DPP6: variants seen among roughly 807,000 people sequenced by gnomAD.
The protein encoded by DPP6 is dipeptidyl peptidase like 6.
In DPP6, 69 loss-of-function variants were observed where a neutral mutation model predicts 122.6. The observed-to-expected ratio is 0.56, with a 90% CI of 0.46 to 0.69. The LOEUF (loss-of-function observed/expected upper bound fraction) is 0.69. Among genes scored for constraint, DPP6 ranks in the 30% least tolerant of loss-of-function variants. The pLI is 0.00. For synonymous variants in DPP6, 418 were observed against 433.1 expected, an observed-to-expected ratio of 0.97 and a Z score of 0.43; for missense variants, 928 against 1,116.9, an observed-to-expected ratio of 0.83 and a Z score of 2.41.
At chr7:154,250,236 G>A (rs1040668896) in intron 1 of DPP6, among the ~76,000 whole-genome samples, 12 of 152,108 alleles carry the variant, frequency 7.9e-5, no homozygotes, top group East Asian at 3.9e-4. Context: ...GCTCCCAGCC[G>A]AATAAAGCCC....
chr7:154,873,822 A>G (rs1377483400), intron 19 of DPP6, among the ~76,000 whole-genome samples: 2 of 113,688 alleles, frequency 1.8e-5, no homozygotes, highest in East Asian at 4.0e-4. Flanking sequence ...ACATGCACAC[A>G]CGCATACATA....
chr7:153,955,642 T>G (rs1802423585), intron 1 of DPP6, among the ~76,000 whole-genome samples: 1 of 152,268 alleles, frequency 6.6e-6, no homozygotes, highest in South Asian at 2.1e-4. Flanking sequence ...TTTTGCCATG[T>G]TGGTCAGGCT....
chr7:154,327,817 T>C (rs1808581163), intron 1 of DPP6, among the ~76,000 whole-genome samples: 1 of 152,172 alleles, frequency 6.6e-6, no homozygotes, highest in African/African-American at 2.4e-5. Context: ...GTGATTTGGG[T>C]TTCCAGAATA....
the DPP6 span, among the ~76,000 whole-genome samples, chr7:153,804,973 T>A: frequency 6.6e-6 from 1 of 152,178 alleles, no homozygotes. Flanking sequence ...AAAAATGATC[T>A]TGACTCTATT....
At chr7:154,531,844 A>G (rs961903173) in intron 3 of DPP6, among the ~76,000 whole-genome samples, 1 of 152,118 alleles carries the variant, frequency 6.6e-6, no homozygotes, top group African/African-American at 2.4e-5. Flanking sequence ...CTGCTTCTGG[A>G]CTTTGAAAAT....
At chr7:154,466,975 C>T (rs1334798685) in intron 2 of DPP6, among the ~76,000 whole-genome samples, 2 of 152,206 alleles carry the variant, frequency 1.3e-5, no homozygotes, top group African/African-American at 4.8e-5. Context: ...CCACCCAAAG[C>T]ACAATTCATC....
At chr7:154,427,381 C>G (rs144085100) in intron 1 of DPP6, among the ~76,000 whole-genome samples, 28 of 152,274 alleles carry the variant, frequency 1.8e-4, no homozygotes, top group African/African-American at 6.5e-4. Flanking sequence ...CATGTATTCT[C>G]TTTATTCTGT....
rs1053945266 is a variant in DPP6, at chr7:154,486,265, C to G, written c.457+11228C>G. ...TCTTCCGCTTCAGCCTCCTGAGTAG[C>G]TGGGACTACAGGTGTGTGCCACCAC... On this transcript the variant is annotated intron_variant, in intron 3 of 25. Transcript: ENST00000377770. This position sits in a 1 kb window ranked among gnomAD's most constrained non-coding sequence, Gnocchi z 4.5. 9.9e-5 allele frequency among the ~76,000 whole-genome samples: 15 copies of G among 152,140 alleles called. No individual in the cohort carries two copies. Among genetic ancestry groups the G allele is most frequent in the African/African-American group, 3.6e-4 (15 of 41,418 alleles).
rs919651801 is a variant in DPP6 at position 154,462,218 on chromosome 7, A to C, written c.359-12721A>C. Among the ~76,000 whole-genome samples, 3 of 152,114 alleles carry C rather than the reference A, an allele frequency of 2.0e-5. No homozygotes were observed. The South Asian group carries it at 6.2e-4, about 31-fold the overall frequency. On this transcript the variant is annotated intron_variant, in intron 2 of 25. Coordinates refer to ENST00000377770, the MANE Select transcript of DPP6 (RefSeq NM_130797.4). Reference sequence around the variant, plus strand: ...GTTCTCTATTCTGTTCCATTGCTCTATGTGTCTGTTTTTATGCCAGTACCA... The same window carrying C: ...GTTCTCTATTCTGTTCCATTGCTCTCTGTGTCTGTTTTTATGCCAGTACCA...
intron 1 of DPP6, among the ~76,000 whole-genome samples, chr7:154,213,814 G>A (rs1338186254): frequency 5.3e-5 from 8 of 152,090 alleles, no homozygotes; most frequent in African/African-American, 7.2e-5. Flanking sequence ...AAATGCATTC[G>A]GTAGATGATA....
chr7:154,671,542 C>T (rs1838555252), intron 7 of DPP6, among the ~76,000 whole-genome samples: 1 of 152,142 alleles, frequency 6.6e-6, no homozygotes, highest in Non-Finnish European at 1.5e-5. Flanking sequence ...TAAACCGGGT[C>T]CCGTAGTAGA....
intron 1 of DPP6, among the ~76,000 whole-genome samples, chr7:154,116,135 T>C (rs2150595279): frequency 6.6e-6 from 1 of 151,766 alleles, no homozygotes; most frequent in African/African-American, 2.4e-5. Context: ...ACATACACAC[T>C]TTGGTTAGTT....
chr7:154,651,082 C>G (rs2130992133), intron 6 of DPP6, among the ~76,000 whole-genome samples: 2 of 152,224 alleles, frequency 1.3e-5, no homozygotes, highest in East Asian at 3.9e-4. Flanking sequence ...GCACTCACGA[C>G]TTCATAGGTA....
At chr7:154,674,458 A>G (rs959192031) in intron 7 of DPP6, among the ~76,000 whole-genome samples, 1 of 152,166 alleles carries the variant, frequency 6.6e-6, no homozygotes, top group Admixed American at 6.5e-5. Flanking sequence ...GAGGGAGGGC[A>G]TGTGAATTTG....
intron 5 of DPP6, among the ~76,000 whole-genome samples, chr7:154,595,032 C>T (rs1413656825): frequency 2.0e-5 from 3 of 150,904 alleles, no homozygotes; most frequent in Non-Finnish European, 4.4e-5. Context: ...TTGGCATTGA[C>T]GTTAAGATTT....
At position 154,060,813 on chromosome 7, in the gene DPP6, CAT is replaced by C. The variant is rs1417221692; in HGVS notation, c.243+7751_243+7752del. Among the ~76,000 whole-genome samples, 28 of 133,078 alleles carry C rather than the reference CAT, an allele frequency of 2.1e-4. 2 individuals carry two copies. Among genetic ancestry groups the C allele is most frequent in the South Asian group, 2.5e-4 (1 of 4,026 alleles). 87.3% of individuals were successfully genotyped at this position (133,078 alleles called of 152,430 possible). ...CATCACAGGAGGGGGACGCACCCCC[CAT>C]GAGGCAGGGACTGAGAGCCAGCCCC... On this transcript the variant is annotated intron_variant, in intron 1 of 25. Coordinates refer to ENST00000377770, the MANE Select transcript of DPP6 (RefSeq NM_130797.4).
intron 1 of DPP6, among the ~76,000 whole-genome samples, chr7:154,153,484 G>A (rs1342189202): frequency 3.3e-5 from 5 of 152,164 alleles, no homozygotes; most frequent in African/African-American, 1.2e-4. Context: ...ACTGAGCCTG[G>A]CCTTATTACT....
chr7:154,025,194 A>G (rs1798908669), intron 1 of DPP6, among the ~76,000 whole-genome samples: 1 of 151,508 alleles, frequency 6.6e-6, no homozygotes, highest in African/African-American at 2.4e-5. Context: ...CTAGAGGGAT[A>G]TAAACCAATG....
the DPP6 span, among the ~76,000 whole-genome samples, chr7:153,765,555 A>C: frequency 3.3e-5 from 5 of 151,586 alleles, no homozygotes; most frequent in African/African-American, 1.2e-4. Flanking sequence ...AAAACAAAAA[A>C]AAAAAACAGA....
Sources: allele counts gnomAD v4.1 joint callset (sites outside exome capture counted in the v4.1 genomes callset), GRCh38; gene constraint gnomAD v4.1.1; non-coding constraint Gnocchi (gnomAD v3.1); transcripts MANE v1.5; gene names NCBI Gene and HGNC (gene_info 2026-07-23, HGNC 2026-07-21).